Variants in SNX8 observed in about 807,000 individuals in gnomAD.
SNX8 encodes sorting nexin 8.
A neutral mutation model predicts 51.6 loss-of-function variants in SNX8; 25 were observed. That is an observed-to-expected ratio of 0.48 (90% CI 0.35 to 0.68). SNX8 has a LOEUF of 0.68. Ranked by LOEUF, SNX8 falls within the 30% of genes least tolerant of loss-of-function variation. The pLI, the probability that SNX8 is intolerant of heterozygous loss-of-function variation, is 0.00. For synonymous variants in SNX8, 324 were observed against 277.0 expected (o/e 1.17, Z -1.68); for missense variants, 695 against 624.0 (o/e 1.11, Z -1.21).
At chr7:2,281,670 C>G (rs1008666773) in intron 1 of SNX8, among the ~76,000 whole-genome samples, 1 of 152,124 alleles carries the variant, frequency 6.6e-6, no homozygotes, top group Non-Finnish European at 1.5e-5. Flanking sequence ...AGAGAGAAAA[C>G]AGATGAGATG....
At chr7:2,317,316 T>C (rs1242120410), upstream of SNX8, among the ~76,000 whole-genome samples, 1 of 126,512 alleles carries the variant, frequency 7.9e-6, no homozygotes, top group South Asian at 3.0e-4. Context: ...TCTCACTCTG[T>C]TGCCTGGAGC....
rs527948619 is a variant in SNX8, at chr7:2,284,995, A to G, written c.95-6690T>C. 5.2e-4 allele frequency among the ~76,000 whole-genome samples: 79 copies of G among 151,798 alleles called. 2 individuals carry two copies. The East Asian group carries it at 6.3e-3, about 12-fold the overall frequency. ...TTGGAGGCTGAGGTGGGCGGATCAC[A>G]AGGTCAGGAGATCGAGACCATCCTG... On this transcript the variant is annotated intron_variant, in intron 1 of 10. Coordinates refer to ENST00000222990, the MANE Select transcript of SNX8 (RefSeq NM_013321.4).
At position 2,257,524 on chromosome 7, in the gene SNX8, C is replaced by T. The variant is rs1240748815; in HGVS notation, c.985-10G>A. ...GCCGCTCGCACAGGTCCTGCGGGGC[C>T]GGGGGAGGCATTCGCCCGCTGTCTG... On this transcript the variant is annotated splice_polypyrimidine_tract_variant and intron_variant, in intron 8 of 10. Coordinates refer to ENST00000222990, the MANE Select transcript of SNX8 (RefSeq NM_013321.4). 2 of 1,600,520 alleles carry T rather than the reference C, an allele frequency of 1.2e-6. No individual in the cohort carries two copies. The highest frequency in any genetic ancestry group is 1.1e-5 in the South Asian group (1 of 90,642).
At chr7:2,351,822 C>T (rs2115255719) in intron 1 of SNX8, among the ~76,000 whole-genome samples, 1 of 151,134 alleles carries the variant, frequency 6.6e-6, no homozygotes, top group South Asian at 2.1e-4. Flanking sequence ...CAGAGTGAGA[C>T]TCCATCTCAA....
chr7:2,276,316 G>A (rs903698617), intron 2 of SNX8, among the ~76,000 whole-genome samples: 6 of 152,212 alleles, frequency 3.9e-5, no homozygotes, highest in Non-Finnish European at 7.3e-5. Flanking sequence ...CCCCGACTGC[G>A]GCCCAGAGGG....
chr7:2,258,849 C>T (rs542350354), intron 7 of SNX8, among the ~76,000 whole-genome samples: 1 of 152,300 alleles, frequency 6.6e-6, no homozygotes, highest in African/African-American at 2.4e-5. Context: ...GCAGTGAGTG[C>T]ACAGCAAACG....
chr7:2,307,976 A>C (rs1393539131), intron 1 of SNX8: 1 of 151,400 alleles, frequency 6.6e-6, no homozygotes, highest in Non-Finnish European at 1.5e-5. Context: ...AATCTGTTCT[A>C]CATAACAGTG....
In SNX8 at chr7:2,278,174, TG is replaced by T; in HGVS notation, c.225del (p.Asp75GlufsTer16). 6.2e-7 allele frequency: 1 copy of T among 1,614,094 alleles called. No homozygotes were observed. The highest frequency in any genetic ancestry group is 8.5e-7 in the Non-Finnish European group (1 of 1,179,988). ...SHTLQELLAR[D>X]TVQVELIPEK... is the part of the protein sequence containing the mutation. ...TCCGGAATGAGCTCCACCTGCACGG[TG>T]TCCCTGGCCAGCAGCTCCTGCAGGG... On this transcript the variant is annotated frameshift_variant, in exon 2 of 11. Transcript: ENST00000222990. LOFTEE classifies it high-confidence loss of function.
rs913529586 is a variant in SNX8 at position 2,254,565 on chromosome 7, G to A, written c.*491C>T. The stretch of plus-strand genomic sequence containing the variant: ...AGAAAATTCACCGTGCGTGCCCCAC[G>A]CCCAATGGCCCTCCCTCCCAGCCTC... On this transcript the variant is annotated 3_prime_UTR_variant, in exon 11 of 11. Coordinates refer to ENST00000222990, the MANE Select transcript of SNX8 (RefSeq NM_013321.4). 12 of 177,106 alleles carry A rather than the reference G, an allele frequency of 6.8e-5. No homozygotes were observed. In the South Asian group the frequency reaches 1.0e-3, roughly 15 times the overall value. The allele number at this position is 177,106 out of a possible 1,614,324, so 11.0% of individuals were successfully genotyped here. A position where few individuals can be genotyped will look rare whatever the true frequency, so the allele number is the denominator to read the frequency against.
chr7:2,317,974 C>A (rs189752162), upstream of SNX8, among the ~76,000 whole-genome samples: 1 of 152,340 alleles, frequency 6.6e-6, no homozygotes. Context: ...TTCCTTCCAG[C>A]TGCTGTTGCT....
intron 1 of SNX8, among the ~76,000 whole-genome samples, chr7:2,314,000 C>A (rs1484900445): frequency 6.6e-6 from 1 of 152,196 alleles, no homozygotes; most frequent in Non-Finnish European, 1.5e-5. Context: ...AGGAACGGGG[C>A]GAGGAGGAAA....
At chr7:2,293,703 G>A (rs1584711609) in intron 1 of SNX8, among the ~76,000 whole-genome samples, 1 of 151,650 alleles carries the variant, frequency 6.6e-6, no homozygotes. Flanking sequence ...GGTGGCTCAC[G>A]CCTGTAATCC....
At chr7:2,330,916 G>A (rs984481049) in intron 1 of SNX8, among the ~76,000 whole-genome samples, 3 of 152,118 alleles carry the variant, frequency 2.0e-5, no homozygotes, top group African/African-American at 4.8e-5. Flanking sequence ...CGGGCGCGGT[G>A]GCTCACGCCT....
At position 2,278,754 on chromosome 7, in the gene SNX8, AGCCGGACTCACTCACACTACGGAGTCGAC is replaced by A. The variant is rs1795845210; in HGVS notation, c.95-478_95-450del. Reference sequence around the variant, plus strand: ...GGACTCACTCACACTACGGAGTCGAAGCCGGACTCACTCACACTACGGAGTCGACGCCGGACTCACTCACACTACGGAGT... The same window carrying A: ...GGACTCACTCACACTACGGAGTCGAAGCCGGACTCACTCACACTACGGAGT... On this transcript the variant is annotated intron_variant, in intron 1 of 10. Transcript: ENST00000222990. Among the ~76,000 whole-genome samples, 8 of 72,964 alleles carry A rather than the reference AGCCGGACTCACTCACACTACGGAGTCGAC, an allele frequency of 1.1e-4. 1 individual carries two copies. Among genetic ancestry groups the A allele is most frequent in the African/African-American group, 4.1e-4 (7 of 17,050 alleles). The allele number at this position is 72,964 out of a possible 152,430, so 47.9% of individuals were successfully genotyped here.
chr7:2,289,475 G>A (rs965231509), intron 1 of SNX8, among the ~76,000 whole-genome samples: 9 of 152,126 alleles, frequency 5.9e-5, no homozygotes, highest in South Asian at 2.1e-4. Flanking sequence ...TTTTCCGTCC[G>A]TCTTCCCTCA....
intron 1 of SNX8, among the ~76,000 whole-genome samples, chr7:2,345,156 G>A (rs1778997110): frequency 6.6e-6 from 1 of 152,054 alleles, no homozygotes; most frequent in African/African-American, 2.4e-5. Context: ...AGTCTTCACT[G>A]TAATACTATT....
chr7:2,284,505 G>A lies in SNX8; in HGVS notation c.95-6200C>T, dbSNP rs150042935. On this transcript the variant is annotated intron_variant, in intron 1 of 10. Transcript: ENST00000222990. The stretch of plus-strand genomic sequence containing the variant: ...CAATCTCCGCCTCCCGGGTTTAAGC[G>A]ATTCTCCTGCCTCAGCCTCCTACTG... Among the ~76,000 whole-genome samples the A allele has an allele frequency of 5.5e-3, 807 of 146,114 alleles. 9 individuals carry two copies. Among genetic ancestry groups the A allele is most frequent in the African/African-American group, 0.019 (765 of 39,586 alleles).
In SNX8 at chr7:2,257,014, C is replaced by A. The variant is rs1209431898; in HGVS notation, c.1144G>T (p.Ala382Ser). The change falls in exon 10 of 11, where the codon GCG (alanine) becomes TCG (serine). Residue 382 changes from alanine (A) to serine (S), a missense_variant. Physicochemically the swap from Ala to Ser is moderately conservative, Grantham distance 99 (BLOSUM62 1). Transcript: ENST00000222990. ...LESRIVEQEN[A>S]IQTMELRNYF... Reference sequence around the variant, plus strand: ...TTCCGCAGCTCCATCGTCTGAATCGCGTTCTCCTGCTGCGGAGCAAACAGC... The same window carrying A: ...TTCCGCAGCTCCATCGTCTGAATCGAGTTCTCCTGCTGCGGAGCAAACAGC... 6.2e-7 allele frequency: 1 copy of A among 1,604,902 alleles called. No homozygotes were observed. The highest frequency in any genetic ancestry group is 8.5e-7 in the Non-Finnish European group (1 of 1,174,304).
chr7:2,258,160 T>A (rs374409448), intron 7 of SNX8, among the ~76,000 whole-genome samples: 9 of 151,978 alleles, frequency 5.9e-5, no homozygotes, highest in South Asian at 4.1e-4. Context: ...ACAGGCGCCC[T>A]CCACCATGCC....
Sources: gnomAD v4.1 joint callset for allele counts (sites outside exome capture counted in the v4.1 genomes callset) on GRCh38, gnomAD v4.1.1 for gene constraint, MANE v1.5 for transcripts, NCBI Gene and HGNC (gene_info 2026-07-23, HGNC 2026-07-21) for gene names.